Variants in PCP2 observed in about 807,000 individuals in gnomAD.
PCP2 encodes Purkinje cell protein 2, also known as Purkinje cell protein 2 homolog.
Under a neutral mutation model 18.3 loss-of-function variants are expected in PCP2, and 21 were observed. The observed-to-expected ratio is 1.14, with a 90% confidence interval of 0.81 to 1.65. PCP2 has a LOEUF of 1.65. Ranked by LOEUF, PCP2 falls within the 40% of genes most tolerant of loss-of-function variation. PCP2 has a pLI of 0.00. For missense variants in PCP2, 202 were observed against 201.8 expected, an observed-to-expected ratio of 1.00 and a Z score of 0.00; for synonymous variants, 85 against 77.6, an observed-to-expected ratio of 1.10 and a Z score of -0.50.
upstream of PCP2, chr19:7,636,998 C>T (rs550307055): frequency 1.1e-3 from 931 of 880,750 alleles, 11 homozygotes; most frequent in East Asian, 4.0e-3. Context: ...ACTCAACTTC[C>T]TGGGCCTGGG....
At chr19:7,634,972 G>A (rs1386707953), upstream of PCP2, among the ~76,000 whole-genome samples, 2 of 152,304 alleles carry the variant, frequency 1.3e-5, no homozygotes, top group South Asian at 4.1e-4. Flanking sequence ...ATCTTACAAG[G>A]ACACCAGTGA....
chr19:7,635,340 T>TA (rs767499012), upstream of PCP2, among the ~76,000 whole-genome samples: 4 of 152,230 alleles, frequency 2.6e-5, no homozygotes, highest in African/African-American at 9.6e-5. Context: ...GCCATTGACT[T>TA]ACGCACCTTA....
In PCP2 at chr19:7,632,425, T is replaced by C; in HGVS notation, c.259A>G (p.Ser87Gly). ...RMDDQRVTVS[S>G]LPGFQPVGSK... Reference sequence around the variant, plus strand: ...CCCACGGGCTGGAAGCCGGGCAGGCTGCTGACTGTCACACGTTGGTCATCC... The same window carrying C: ...CCCACGGGCTGGAAGCCGGGCAGGCCGCTGACTGTCACACGTTGGTCATCC... The change falls in exon 3 of 4, where the codon AGC (serine) becomes GGC (glycine). Residue 87 changes from serine (S) to glycine (G), a missense_variant. Ser to Gly is a moderately conservative substitution (Grantham distance 56). Transcript: ENST00000311069. The surrounding 1 kb of genome is among the most constrained non-coding windows in gnomAD (Gnocchi z 5.2). 6.2e-7 allele frequency: 1 copy of C among 1,613,970 alleles called. No individual in the cohort carries two copies. The highest frequency in any genetic ancestry group is 8.5e-7 in the Non-Finnish European group (1 of 1,179,972).
At position 7,632,874 on chromosome 19, in the gene PCP2, G is replaced by A. The variant is rs2031385769; in HGVS notation, c.52-44C>T. On this transcript the variant is annotated intron_variant, in intron 1 of 3. Transcript: ENST00000311069. The surrounding 1 kb of genome is among the most constrained non-coding windows in gnomAD (Gnocchi z 5.2). Reference sequence around the variant, plus strand: ...AGTCTGGTTGGCCCTTCAGCTTGGGGGCCCCTCCCCAAACTTCCTAGCCAG... The same window carrying A: ...AGTCTGGTTGGCCCTTCAGCTTGGGAGCCCCTCCCCAAACTTCCTAGCCAG... 1.3e-6 allele frequency: 2 copies of A among 1,535,370 alleles called. No individual in the cohort carries two copies. Among genetic ancestry groups the A allele is most frequent in the African/African-American group, 2.7e-5 (2 of 73,024 alleles).
rs1379864127 is a variant in PCP2 at position 7,632,825 on chromosome 19, G to T, written c.57C>A (p.Gly19=). 3 of 1,549,882 alleles carry T rather than the reference G, an allele frequency of 1.9e-6. No individual in the cohort carries two copies. Among genetic ancestry groups the T allele is most frequent in the Middle Eastern group, 1.7e-4 (1 of 6,018 alleles). The stretch of plus-strand genomic sequence containing the variant: ...TGAAGAAGCCCTCCTGGTCTGGGGA[G>T]CCCGCCTGGGGACAGACTCGCTCAG... ...EEGSGPCAEA[G]SPDQEGFFNL... Residue 19 remains glycine, a synonymous_variant, in exon 2 of 4, where the codon GGC becomes GGA. Transcript: ENST00000311069. The surrounding 1 kb of genome is among the most constrained non-coding windows in gnomAD (Gnocchi z 5.2).
In PCP2 at chr19:7,632,824, A is replaced by T; in HGVS notation, c.58T>A (p.Ser20Thr). The T allele has an allele frequency of 6.4e-7, 1 of 1,550,724 alleles. No homozygotes were observed. Among genetic ancestry groups the T allele is most frequent in the South Asian group, 1.2e-5 (1 of 84,460 alleles). ...EGSGPCAEAG[S>T]PDQEGFFNLL... The stretch of plus-strand genomic sequence containing the variant: ...TTGAAGAAGCCCTCCTGGTCTGGGG[A>T]GCCCGCCTGGGGACAGACTCGCTCA... The change falls in exon 2 of 4, where the codon TCC (serine) becomes ACC (threonine). Residue 20 changes from serine to threonine, a missense_variant. Transcript: ENST00000311069. This position sits in a 1 kb window ranked among gnomAD's most constrained non-coding sequence, Gnocchi z 5.2.
upstream of PCP2, among the ~76,000 whole-genome samples, chr19:7,635,262 C>T (rs2031482449): frequency 6.6e-6 from 1 of 152,200 alleles, no homozygotes; most frequent in Non-Finnish European, 1.5e-5. Flanking sequence ...AACCCAAACA[C>T]CTAGGGGTTG....
Position 7,633,474 on chromosome 19 carries a change from C to T in PCP2, c.-17G>A. On this transcript the variant is annotated 5_prime_UTR_variant, in exon 1 of 4. Coordinates refer to ENST00000311069, the MANE Select transcript of PCP2 (RefSeq NM_174895.3). ...ATCCATCATGTCCCTGGACTCCAGT[C>T]ACTTTTCTGCTGGCCTCTGCCCCGG... 6.4e-7 allele frequency: 1 copy of T among 1,569,932 alleles called. No individual in the cohort carries two copies. The highest frequency in any genetic ancestry group is 8.7e-7 in the Non-Finnish European group (1 of 1,156,034).
intron 3 of PCP2, 41 bp from the exon 4 acceptor site, chr19:7,631,849 G>T: frequency 7.3e-7 from 1 of 1,379,020 alleles, no homozygotes; most frequent in Non-Finnish European, 9.4e-7. Context: ...GGGCTCAAGG[G>T]CAGTGCCGGC....
upstream of PCP2, among the ~76,000 whole-genome samples, chr19:7,634,469 C>T (rs1346860446): frequency 2.0e-5 from 3 of 152,200 alleles, no homozygotes; most frequent in African/African-American, 7.2e-5. Flanking sequence ...TACGTGTATC[C>T]CTTTCCTAGG....
chr19:7,634,619 C>G (rs1159905176), upstream of PCP2, among the ~76,000 whole-genome samples: 2 of 152,242 alleles, frequency 1.3e-5, no homozygotes, highest in African/African-American at 4.8e-5. Context: ...ATCCTCCTGC[C>G]TGGGCCTCCC....
chr19:7,634,896 C>G (rs2031468046), upstream of PCP2, among the ~76,000 whole-genome samples: 2 of 152,184 alleles, frequency 1.3e-5, no homozygotes, highest in Admixed American at 6.5e-5. Flanking sequence ...CTCTGTGTCC[C>G]AGTCTTCATA....
chr19:7,632,291 A>C lies in PCP2; in HGVS notation c.291+102T>G. On this transcript the variant is annotated intron_variant, in intron 3 of 3. Coordinates refer to ENST00000311069, the MANE Select transcript of PCP2 (RefSeq NM_174895.3). This position sits in a 1 kb window ranked among gnomAD's most constrained non-coding sequence, Gnocchi z 5.2. ...TCTGAAGTCAGGGCAGCGGATGGACAGAGATGGGGCAGGCCCTGTTCCCTC... is the reference window on the plus strand; with the variant it reads ...TCTGAAGTCAGGGCAGCGGATGGACCGAGATGGGGCAGGCCCTGTTCCCTC... The C allele has an allele frequency of 6.5e-7, 1 of 1,528,016 alleles. No homozygotes were observed. Among genetic ancestry groups the C allele is most frequent in the Non-Finnish European group, 8.9e-7 (1 of 1,127,652 alleles). 94.7% of individuals were successfully genotyped at this position (1,528,016 alleles called of 1,614,324 possible).
chr19:7,632,557 G>C lies in PCP2; in HGVS notation c.167-40C>G, dbSNP rs1465462660. On this transcript the variant is annotated intron_variant, in intron 2 of 3. Transcript: ENST00000311069. This position sits in a 1 kb window ranked among gnomAD's most constrained non-coding sequence, Gnocchi z 5.2. ...ACAGACTTGGGAGGACACAGCCGGAGTGGGGGCCCCCAACCCTACCCCTTC... is the reference window on the plus strand; with the variant it reads ...ACAGACTTGGGAGGACACAGCCGGACTGGGGGCCCCCAACCCTACCCCTTC... 1 of 1,607,314 alleles carries C rather than the reference G, an allele frequency of 6.2e-7. No homozygotes were observed.
chr19:7,635,828 T>A (rs2031508453), upstream of PCP2, among the ~76,000 whole-genome samples: 1 of 149,454 alleles, frequency 6.7e-6, no homozygotes, highest in African/African-American at 2.5e-5. Flanking sequence ...CCTGTGACTG[T>A]CCTATTTTTA....
upstream of PCP2, among the ~76,000 whole-genome samples, chr19:7,635,655 C>T (rs2031498679): frequency 1.3e-5 from 2 of 152,116 alleles, no homozygotes; most frequent in African/African-American, 2.4e-5. Flanking sequence ...ATGATCGTGC[C>T]ACTGCCCTCC....
chr19:7,632,672 C>T lies in PCP2; in HGVS notation c.166+44G>A. ...GATGACCACTTGCCCTGCACTCCCACCCCGTTCACGCCCCATGGACAGCAC... is the reference window on the plus strand; with the variant it reads ...GATGACCACTTGCCCTGCACTCCCATCCCGTTCACGCCCCATGGACAGCAC... On this transcript the variant is annotated intron_variant, in intron 2 of 3. Coordinates refer to ENST00000311069, the MANE Select transcript of PCP2 (RefSeq NM_174895.3). This position sits in a 1 kb window ranked among gnomAD's most constrained non-coding sequence, Gnocchi z 5.2. The T allele has an allele frequency of 6.4e-7, 1 of 1,550,572 alleles. No homozygotes were observed. Among genetic ancestry groups the T allele is most frequent in the South Asian group, 1.2e-5 (1 of 85,950 alleles).
chr19:7,634,029 C>G (rs953923843), upstream of PCP2: 2 of 152,624 alleles, frequency 1.3e-5, no homozygotes, highest in Non-Finnish European at 2.9e-5. Context: ...TCCCAGCCAC[C>G]CTTCCTTCAA....
In PCP2 at chr19:7,632,710, G is replaced by C. The variant is rs1429280317; in HGVS notation, c.166+6C>G. ...CCATGGACAGCACCCCCGTGCCCAT[G>C]CTCACGGCTCTTGGTGGTCTGGCCC... On this transcript the variant is annotated splice_donor_region_variant and intron_variant, in intron 2 of 3. Transcript: ENST00000311069. The surrounding 1 kb of genome is among the most constrained non-coding windows in gnomAD (Gnocchi z 5.2). The C allele has an allele frequency of 5.8e-6, 9 of 1,555,000 alleles. No individual in the cohort carries two copies. The highest frequency in any genetic ancestry group is 7.8e-6 in the Non-Finnish European group (9 of 1,155,608).
Sources: allele counts gnomAD v4.1 joint callset (sites outside exome capture counted in the v4.1 genomes callset), GRCh38; gene constraint gnomAD v4.1.1; non-coding constraint Gnocchi (gnomAD v3.1); transcripts MANE v1.5; gene names NCBI Gene and HGNC (gene_info 2026-07-23, HGNC 2026-07-21).